TMPRSS15: variants seen among roughly 807,000 people sequenced by gnomAD.
TMPRSS15 encodes the protein enteropeptidase.
A neutral mutation model predicts 125.3 loss-of-function variants in TMPRSS15; 128 were observed. The ratio of observed to expected loss-of-function variants is 1.02; its 90% CI spans 0.89 to 1.18. The LOEUF is 1.18. Ranked by LOEUF, TMPRSS15 falls within the 50% of genes most tolerant of loss-of-function variation. TMPRSS15 has a pLI of 0.00. For missense variants in TMPRSS15, 1,283 were observed against 1,212.7 expected (o/e 1.06, Z -0.86); for synonymous variants, 446 against 423.2 (o/e 1.05, Z -0.66).
Position 18,315,272 on chromosome 21 carries a change from G to A in TMPRSS15, c.1922-16C>T, listed in dbSNP as rs776305999. ...TTGCATGGCTCTATGGGGAAAGAAT[G>A]TTTATTGTATAGGATAAAGAAAACA... On this transcript the variant is annotated splice_polypyrimidine_tract_variant and intron_variant, in intron 16 of 24. Coordinates refer to ENST00000284885, the MANE Select transcript of TMPRSS15 (RefSeq NM_002772.3). 7.5e-6 allele frequency: 12 copies of A among 1,589,530 alleles called. No individual in the cohort carries two copies. The highest frequency in any genetic ancestry group is 1.0e-5 in the Non-Finnish European group (12 of 1,159,586).
Position 18,337,190 on chromosome 21 carries a change from G to A in TMPRSS15, c.1564+4223C>T, listed in dbSNP as rs1038535417. 2.6e-5 allele frequency among the ~76,000 whole-genome samples: 4 copies of A among 152,042 alleles called. 1 individual carries two copies. The highest frequency in any genetic ancestry group is 4.1e-4 in the South Asian group (2 of 4,824). ...ATTACAGGTGTGAGGTACTGCACCC[G>A]GCCATGCCAAATTACCTTTAATTTA... is the stretch of plus-strand genomic sequence containing the variant. On this transcript the variant is annotated intron_variant, in intron 13 of 24. Coordinates refer to ENST00000284885, the MANE Select transcript of TMPRSS15 (RefSeq NM_002772.3).
intron 24 of TMPRSS15, among the ~76,000 whole-genome samples, chr21:18,272,222 C>A (rs2074565920): frequency 6.6e-6 from 1 of 152,074 alleles, no homozygotes. Flanking sequence ...ACCTTGCCAG[C>A]ATCTATTGTT....
At chr21:18,313,200 G>T in intron 17 of TMPRSS15, 123 bp from the exon 18 acceptor site, 2 of 751,216 alleles carry the variant, frequency 2.7e-6, no homozygotes, top group East Asian at 5.3e-5. Flanking sequence ...GAGATCTCTT[G>T]CACAGCACTG....
intron 13 of TMPRSS15, among the ~76,000 whole-genome samples, chr21:18,341,054 G>GT (rs368553421): frequency 1.3e-3 from 193 of 152,112 alleles, no homozygotes; most frequent in African/African-American, 4.4e-3. Flanking sequence ...AATAATTATT[G>GT]TTTTTTGTTT....
At chr21:18,295,413 C>T (rs879156356) in intron 19 of TMPRSS15, among the ~76,000 whole-genome samples, 2 of 152,182 alleles carry the variant, frequency 1.3e-5, no homozygotes, top group Non-Finnish European at 2.9e-5. Flanking sequence ...CCAAATGCAA[C>T]CACTGCAGAT....
intron 3 of TMPRSS15, among the ~76,000 whole-genome samples, chr21:18,397,305 G>T (rs997748801): frequency 1.3e-5 from 2 of 152,046 alleles, no homozygotes; most frequent in African/African-American, 4.8e-5. Context: ...AAATACAAAA[G>T]CTAATTGTTT....
intron 5 of TMPRSS15, among the ~76,000 whole-genome samples, chr21:18,378,725 T>G (rs2075865718): frequency 6.6e-6 from 1 of 152,036 alleles, no homozygotes; most frequent in African/African-American, 2.4e-5. Flanking sequence ...AGAGAAGGTA[T>G]TTTAGCTGAT....
intron 1 of TMPRSS15, among the ~76,000 whole-genome samples, chr21:18,447,439 CAAAAA>C (rs57558994): frequency 2.3e-5 from 2 of 88,140 alleles, no homozygotes; most frequent in African/African-American, 4.5e-5. Flanking sequence ...GACTTCAACT[CAAAAA>C]AAAAAAAAAA....
chr21:18,285,929 AT>A (rs1300098523), intron 21 of TMPRSS15, among the ~76,000 whole-genome samples: 1 of 152,236 alleles, frequency 6.6e-6, no homozygotes, highest in East Asian at 1.9e-4. Flanking sequence ...AGAGTTTCAT[AT>A]ATGTGAATAT....
At chr21:18,484,277 T>A (rs1421642748) in intron 1 of TMPRSS15, among the ~76,000 whole-genome samples, 1 of 151,880 alleles carries the variant, frequency 6.6e-6, no homozygotes, top group African/African-American at 2.4e-5. Context: ...AAACAAAAGC[T>A]TAGTCTTTAA....
intron 18 of TMPRSS15, among the ~76,000 whole-genome samples, chr21:18,310,878 AT>A (rs201232387): frequency 0.024 from 3,678 of 152,026 alleles, 73 homozygotes; most frequent in Non-Finnish European, 0.033. Context: ...ATGGAACAGA[AT>A]AGAGAACAAG....
chr21:18,286,736 C>T (rs1283317513), intron 21 of TMPRSS15, among the ~76,000 whole-genome samples: 1 of 152,198 alleles, frequency 6.6e-6, no homozygotes, highest in African/African-American at 2.4e-5. Context: ...GATAAGGTCA[C>T]TCTTTGGTCC....
In TMPRSS15 at chr21:18,294,269, C is replaced by T. The variant is rs753574461; in HGVS notation, c.2486+1G>A. 52 of 1,614,134 alleles carry T rather than the reference C, an allele frequency of 3.2e-5. 1 individual carries two copies. The South Asian group carries it at 5.6e-4, about 17-fold the overall frequency. ...GAAGGGACACTTGACATCACACTCA[C>T]CCATACACGCAGTGTGCGGCGGACA... On this transcript the variant is annotated splice_donor_variant, in intron 21 of 24. Coordinates refer to ENST00000284885, the MANE Select transcript of TMPRSS15 (RefSeq NM_002772.3). LOFTEE classifies it high-confidence loss of function.
intron 10 of TMPRSS15, among the ~76,000 whole-genome samples, chr21:18,348,970 CAGATAA>C (rs770998811): frequency 7.2e-5 from 11 of 152,104 alleles, no homozygotes. Flanking sequence ...CCTCACTTTC[CAGATAA>C]GGGAATTGGG....
At chr21:18,403,390 T>A in intron 1 of TMPRSS15, 88 bp downstream of exon 1, 1 of 1,555,758 alleles carries the variant, frequency 6.4e-7, no homozygotes, top group Non-Finnish European at 8.9e-7. Context: ...TAGTTGGCAA[T>A]GAATAAAATA....
At chr21:18,392,434 C>T (rs1302609990) in intron 3 of TMPRSS15, among the ~76,000 whole-genome samples, 1 of 152,148 alleles carries the variant, frequency 6.6e-6, no homozygotes, top group Admixed American at 6.5e-5. Flanking sequence ...CCTTTGGTCC[C>T]TTTTCCAATA....
In TMPRSS15 at chr21:18,353,004, A is replaced by G; in HGVS notation, c.1070T>C (p.Val357Ala). ...CNFEDGFCFW[V>A]QDLNDDNEWE... ...TTCATTATCATCATTTAGATCCTGG[A>G]CCCAGAAACAAAAGCCATCCTCAAA... The change falls in exon 10 of 25, where the codon GTC becomes GCC. Residue 357 changes from valine to alanine, a missense_variant. Coordinates refer to ENST00000284885, the MANE Select transcript of TMPRSS15 (RefSeq NM_002772.3). The G allele has an allele frequency of 6.2e-7, 1 of 1,611,724 alleles. No individual in the cohort carries two copies. Among genetic ancestry groups the G allele is most frequent in the South Asian group, 1.1e-5 (1 of 90,992 alleles).
intron 21 of TMPRSS15, among the ~76,000 whole-genome samples, chr21:18,281,864 G>A (rs1256051906): frequency 3.9e-5 from 6 of 151,974 alleles, no homozygotes; most frequent in Admixed American, 2.0e-4. Context: ...TTGGGAGGCC[G>A]AGGCGGGCGG....
chr21:18,395,411 T>A (rs193174126), intron 3 of TMPRSS15, among the ~76,000 whole-genome samples: 1 of 152,180 alleles, frequency 6.6e-6, no homozygotes, highest in African/African-American at 2.4e-5. Flanking sequence ...AGACTGATAA[T>A]CTAAAACTTC....
Sources: gnomAD v4.1 joint callset for allele counts (sites outside exome capture counted in the v4.1 genomes callset) on GRCh38, gnomAD v4.1.1 for gene constraint, MANE v1.5 for transcripts, NCBI Gene and HGNC (gene_info 2026-07-23, HGNC 2026-07-21) for gene names.